The following C12orf56 variants were observed in gnomAD, a reference collection of about 807,000 sequenced individuals.
C12orf56 encodes the protein uncharacterized protein C12orf56.
A neutral mutation model predicts 69.9 loss-of-function variants in C12orf56; 71 were observed. The ratio of observed to expected loss-of-function variants is 1.02; its 90% CI spans 0.84 to 1.24. The LOEUF is 1.24. C12orf56 is among the 50% of genes most tolerant of loss of function. The pLI is 0.00. For missense variants in C12orf56, 732 were observed against 738.5 expected (o/e 0.99, Z 0.10); for synonymous variants, 276 against 274.1 (o/e 1.01, Z -0.07).
In C12orf56 at chr12:64,274,963, A is replaced by T. The variant is rs750209659; in HGVS notation, c.1522T>A (p.Leu508Met). 19 of 1,611,018 alleles carry T rather than the reference A, an allele frequency of 1.2e-5. No individual in the cohort carries two copies. In the South Asian group the frequency reaches 2.0e-4, roughly 17 times the overall value. Residue 508 changes from leucine to methionine, a missense_variant, in exon 11 of 13, where the codon TTG (leucine) becomes ATG (methionine). Transcript: ENST00000543942. ...LLVFQQGNLG[L>M]GSTKFAISWI... ...CTAATAGCAAACTTTGTGGATCCCA[A>T]TCCGAGATTTCCCTAAAAGACTCAA... is the stretch of plus-strand genomic sequence containing the variant.
chr12:64,276,008 C>CA (rs990513345), intron 9 of C12orf56, among the ~76,000 whole-genome samples: 6 of 151,708 alleles, frequency 4.0e-5, no homozygotes, highest in South Asian at 4.2e-4. Flanking sequence ...CACACCCCCC[C>CA]CCGCGAGTTG....
chr12:64,362,767 T>G (rs952362882), intron 1 of C12orf56, among the ~76,000 whole-genome samples: 2 of 152,116 alleles, frequency 1.3e-5, no homozygotes, highest in African/African-American at 4.8e-5. Flanking sequence ...CCAATTTATT[T>G]CTTGATTATA....
intron 1 of C12orf56, among the ~76,000 whole-genome samples, chr12:64,361,001 C>G (rs1227235782): frequency 1.3e-5 from 2 of 152,146 alleles, no homozygotes; most frequent in Non-Finnish European, 2.9e-5. Context: ...GGGCGTATCA[C>G]TTGAAGTCGG....
chr12:64,363,446 T>C (rs2039423672), intron 1 of C12orf56, among the ~76,000 whole-genome samples: 1 of 152,172 alleles, frequency 6.6e-6, no homozygotes, highest in Non-Finnish European at 1.5e-5. Flanking sequence ...GGACTGGCCT[T>C]TGACCCACGA....
chr12:64,377,257 C>T (rs2039654952), intron 1 of C12orf56, among the ~76,000 whole-genome samples: 1 of 135,328 alleles, frequency 7.4e-6, no homozygotes, highest in African/African-American at 2.8e-5. Context: ...GTGGTGTGAT[C>T]TCGGCTCACT....
chr12:64,365,371 T>G (rs933448716), intron 1 of C12orf56, among the ~76,000 whole-genome samples: 5 of 151,846 alleles, frequency 3.3e-5, no homozygotes, highest in African/African-American at 9.7e-5. Flanking sequence ...TTCACTATGT[T>G]GGCCAGGCTG....
Position 64,265,172 on chromosome 12 carries a change from G to C in C12orf56, c.*2011C>G, listed in dbSNP as rs546501060. 1.3e-5 allele frequency: 2 copies of C among 152,318 alleles called. No individual in the cohort carries two copies. The highest frequency in any genetic ancestry group is 3.9e-4 in the East Asian group (2 of 5,182). The allele number at this position is 152,318 out of a possible 1,614,324, so 9.4% of individuals were successfully genotyped here. A position where few individuals can be genotyped will look rare whatever the true frequency, so the allele number is the denominator to read the frequency against. On this transcript the variant is annotated 3_prime_UTR_variant, in exon 13 of 13. Coordinates refer to ENST00000543942, the MANE Select transcript of C12orf56 (RefSeq NM_001170633.2). The stretch of plus-strand genomic sequence containing the variant: ...CCGGTTTGAGGTAATACTTGCCTAT[G>C]TTCCAAGAATCTTTTCATATTCCTT...
intron 6 of C12orf56, among the ~76,000 whole-genome samples, chr12:64,287,419 A>G (rs1363593323): frequency 7.1e-6 from 1 of 141,256 alleles, no homozygotes; most frequent in Non-Finnish European, 1.5e-5. Context: ...ACATATGTAT[A>G]CATGTGCCAT....
intron 2 of C12orf56, among the ~76,000 whole-genome samples, chr12:64,335,416 CCAAAA>C (rs1565761776): frequency 3.3e-5 from 1 of 30,404 alleles, no homozygotes. Flanking sequence ...GACTTCATCT[CCAAAA>C]AAAAAAAAAA....
intron 11 of C12orf56, among the ~76,000 whole-genome samples, chr12:64,272,138 C>A (rs759761554): frequency 1.3e-5 from 2 of 152,248 alleles, no homozygotes; most frequent in South Asian, 2.1e-4. Context: ...AGGAGGACTG[C>A]TTGAGCCCAG....
intron 2 of C12orf56, among the ~76,000 whole-genome samples, chr12:64,332,251 CA>C (rs2038940522): frequency 7.8e-6 from 1 of 128,564 alleles, no homozygotes; most frequent in Non-Finnish European, 1.6e-5. Context: ...TGCAGTGACC[CA>C]AGATTGTACC....
intron 1 of C12orf56, among the ~76,000 whole-genome samples, chr12:64,380,742 T>C (rs2039709520): frequency 6.6e-6 from 1 of 152,154 alleles, no homozygotes; most frequent in Middle Eastern, 3.4e-3. Flanking sequence ...TCGAGTGTTC[T>C]AGGTAGAAAG....
At chr12:64,272,903 G>T (rs1270926378) in intron 11 of C12orf56, among the ~76,000 whole-genome samples, 1 of 152,086 alleles carries the variant, frequency 6.6e-6, no homozygotes, top group Non-Finnish European at 1.5e-5. Context: ...TATGTCATAG[G>T]GATCTGACAA....
intron 3 of C12orf56, among the ~76,000 whole-genome samples, chr12:64,330,283 A>G (rs940547917): frequency 6.6e-6 from 1 of 152,190 alleles, no homozygotes; most frequent in Non-Finnish European, 1.5e-5. Context: ...TGGACTTTTA[A>G]GACCCTCCAA....
intron 2 of C12orf56, among the ~76,000 whole-genome samples, chr12:64,346,932 A>G (rs2039150770): frequency 6.6e-6 from 1 of 152,070 alleles, no homozygotes; most frequent in Non-Finnish European, 1.5e-5. Flanking sequence ...ATCTATATCT[A>G]TACCTATATC....
chr12:64,357,054 C>T (rs2039327152), intron 1 of C12orf56, among the ~76,000 whole-genome samples: 1 of 151,752 alleles, frequency 6.6e-6, no homozygotes, highest in Non-Finnish European at 1.5e-5. Flanking sequence ...ATATTAAAAT[C>T]TCAGGATATA....
At chr12:64,338,353 G>A (rs2039024440) in intron 2 of C12orf56, 2 of 626,472 alleles carry the variant, frequency 3.2e-6, no homozygotes, top group Admixed American at 1.9e-5. Flanking sequence ...AGCTGGTGGA[G>A]TTGAGATATA....
chr12:64,341,561 G>A (rs752722567), intron 2 of C12orf56, among the ~76,000 whole-genome samples: 16 of 152,286 alleles, frequency 1.1e-4, no homozygotes, highest in Admixed American at 1.3e-4. Context: ...TTCTTTAGCC[G>A]TAAAGTGAGT....
At chr12:64,349,626 A>G (rs914913803) in intron 2 of C12orf56, among the ~76,000 whole-genome samples, 2 of 152,240 alleles carry the variant, frequency 1.3e-5, no homozygotes, top group Non-Finnish European at 2.9e-5. Flanking sequence ...CCCATCAATC[A>G]ATGAGTGGAT....
Sources: gnomAD v4.1 joint callset for allele counts (sites outside exome capture counted in the v4.1 genomes callset) on GRCh38, gnomAD v4.1.1 for gene constraint, MANE v1.5 for transcripts, NCBI Gene and HGNC (gene_info 2026-07-23, HGNC 2026-07-21) for gene names.